JARID2: variants seen among roughly 807,000 people sequenced by gnomAD.
The protein encoded by JARID2 is jumonji and AT-rich interaction domain containing 2.
Under a neutral mutation model 125.6 loss-of-function variants are expected in JARID2, and 21 were observed. The ratio of observed to expected loss-of-function variants is 0.17; its 90% confidence interval spans 0.12 to 0.24. JARID2 has a LOEUF of 0.24. Among genes scored for constraint, JARID2 ranks in the 10% least tolerant of loss-of-function variants. The pLI is 1.00. For synonymous variants in JARID2, 736 were observed against 661.6 expected, an observed-to-expected ratio of 1.11 and a Z score of -1.73; for missense variants, 1,303 against 1,639.6, an observed-to-expected ratio of 0.79 and a Z score of 3.55.
intron 4 of JARID2, among the ~76,000 whole-genome samples, chr6:15,465,811 TTTG>T (rs1431156390): frequency 1.9e-3 from 268 of 144,746 alleles, no homozygotes; most frequent in African/African-American, 5.6e-3. Context: ...TGTTTGTTTG[TTTG>T]TTTTTTTGAG....
chr6:15,519,342 T>TGG (rs1771719606), intron 17 of JARID2, among the ~76,000 whole-genome samples: 1 of 152,142 alleles, frequency 6.6e-6, no homozygotes, highest in Non-Finnish European at 1.5e-5. Context: ...ACCTTTAACT[T>TGG]GTGATGGGAG....
rs1338151923 is a variant in JARID2, at chr6:15,444,757, T to G, written c.324-7249T>G. On this transcript the variant is annotated intron_variant, in intron 3 of 17. Transcript: ENST00000341776. The stretch of plus-strand genomic sequence containing the variant: ...CTGATTTTTTTTTTTTTTTTTTTTT[T>G]GAATGAACAGACCCTCCCTCCCACC... 3.1e-4 allele frequency among the ~76,000 whole-genome samples: 33 copies of G among 107,538 alleles called. No individual in the cohort carries two copies. In the South Asian group the frequency reaches 9.5e-3, roughly 31 times the overall value. 70.5% of individuals were successfully genotyped at this position (107,538 alleles called of 152,430 possible).
chr6:15,318,207 G>C (rs542946769), intron 1 of JARID2, among the ~76,000 whole-genome samples: 2 of 150,862 alleles, frequency 1.3e-5, no homozygotes, highest in African/African-American at 4.9e-5. Context: ...GCAAAACTCC[G>C]TTTCCAAAAA....
At chr6:15,391,916 T>C (rs938023587) in intron 2 of JARID2, among the ~76,000 whole-genome samples, 1 of 152,132 alleles carries the variant, frequency 6.6e-6, no homozygotes, top group African/African-American at 2.4e-5. Flanking sequence ...CAGGGAAGCA[T>C]TTGGATGCTT....
intron 1 of JARID2, among the ~76,000 whole-genome samples, chr6:15,250,976 G>A (rs1027087310): frequency 3.3e-5 from 5 of 149,464 alleles, no homozygotes; most frequent in African/African-American, 4.9e-5. Flanking sequence ...AGCGTAGTTC[G>A]TTAAAACACT....
intron 2 of JARID2, among the ~76,000 whole-genome samples, chr6:15,390,376 C>T (rs1268409025): frequency 2.6e-5 from 4 of 152,082 alleles, no homozygotes; most frequent in South Asian, 2.1e-4. Flanking sequence ...GCCGCACTGC[C>T]GCACACTCAG....
intron 2 of JARID2, among the ~76,000 whole-genome samples, chr6:15,382,301 G>A (rs970601344): frequency 6.6e-6 from 1 of 152,162 alleles, no homozygotes; most frequent in African/African-American, 2.4e-5. Context: ...GTATGGGTGA[G>A]TGCAGGAGGC....
At chr6:15,282,890 C>G (rs1414347378) in intron 1 of JARID2, among the ~76,000 whole-genome samples, 3 of 149,822 alleles carry the variant, frequency 2.0e-5, no homozygotes, top group Non-Finnish European at 4.5e-5. Context: ...CGTGAGCCAC[C>G]CCGCCCGGTC....
At chr6:15,257,554 G>C (rs949889607) in intron 1 of JARID2, among the ~76,000 whole-genome samples, 1 of 152,080 alleles carries the variant, frequency 6.6e-6, no homozygotes, top group African/African-American at 2.4e-5. Context: ...ACAGATTTGG[G>C]GCTGTTGTAC....
At chr6:15,452,931 A>C (rs1767987153) in intron 4 of JARID2, among the ~76,000 whole-genome samples, 1 of 152,174 alleles carries the variant, frequency 6.6e-6, no homozygotes. Context: ...AAATGAGCAG[A>C]AGGAGAGGGC....
At chr6:15,495,021 G>T (rs1428394591) in intron 6 of JARID2, among the ~76,000 whole-genome samples, 3 of 152,156 alleles carry the variant, frequency 2.0e-5, no homozygotes. Context: ...GATGGTGGTG[G>T]TTATAAAACC....
intron 3 of JARID2, among the ~76,000 whole-genome samples, chr6:15,425,978 A>C (rs896485322): frequency 2.0e-5 from 3 of 152,154 alleles, no homozygotes; most frequent in African/African-American, 2.4e-5. Context: ...TTGACGTCCT[A>C]ATAGCATGAT....
At chr6:15,514,306 G>A (rs985222775) in intron 16 of JARID2, among the ~76,000 whole-genome samples, 3 of 152,252 alleles carry the variant, frequency 2.0e-5, no homozygotes, top group Admixed American at 6.5e-5. Context: ...CTGGAACAGA[G>A]AGCATGCCCG....
chr6:15,430,827 T>G (rs1473840081), intron 3 of JARID2, among the ~76,000 whole-genome samples: 1 of 152,202 alleles, frequency 6.6e-6, no homozygotes, highest in Non-Finnish European at 1.5e-5. Flanking sequence ...CAGACCAGTC[T>G]TGGGGTACTT....
intron 1 of JARID2, among the ~76,000 whole-genome samples, chr6:15,261,178 T>C (rs1285307771): frequency 6.6e-6 from 1 of 152,142 alleles, no homozygotes; most frequent in Admixed American, 6.5e-5. Context: ...CTATTACTAC[T>C]CCCTTTGTAC....
At chr6:15,472,666 G>C (rs1387001366) in intron 5 of JARID2, among the ~76,000 whole-genome samples, 1 of 152,192 alleles carries the variant, frequency 6.6e-6, no homozygotes, top group African/African-American at 2.4e-5. Context: ...GGGAAGTTTG[G>C]TGGGGGGATT....
At chr6:15,446,178 C>A (rs1202668593) in intron 3 of JARID2, among the ~76,000 whole-genome samples, 3 of 152,180 alleles carry the variant, frequency 2.0e-5, no homozygotes, top group African/African-American at 7.2e-5. Flanking sequence ...GCAACTATAG[C>A]AGTATAGTGT....
chr6:15,298,114 A>G (rs955972549), intron 1 of JARID2, among the ~76,000 whole-genome samples: 1 of 152,202 alleles, frequency 6.6e-6, no homozygotes, highest in African/African-American at 2.4e-5. Context: ...CTTTTTCTTG[A>G]TATGTAGCAA....
chr6:15,473,418 A>T (rs1769173622), intron 5 of JARID2, among the ~76,000 whole-genome samples: 1 of 149,042 alleles, frequency 6.7e-6, no homozygotes, highest in Admixed American at 6.8e-5. Context: ...GTTTCTCCTG[A>T]TGAAACAGGT....
Sources: allele counts gnomAD v4.1 joint callset (sites outside exome capture counted in the v4.1 genomes callset), GRCh38; gene constraint gnomAD v4.1.1; transcripts MANE v1.5; gene names NCBI Gene and HGNC (gene_info 2026-07-23, HGNC 2026-07-21).